NKAIN3: variants seen among roughly 807,000 people sequenced by gnomAD.
The protein encoded by NKAIN3 is sodium/potassium-transporting ATPase subunit beta-1-interacting protein 3.
NKAIN3 carries 25 observed loss-of-function variants against 30.2 expected under a neutral mutation model. The ratio of observed to expected loss-of-function variants is 0.83; its 90% CI spans 0.60 to 1.16. The LOEUF (loss-of-function observed/expected upper bound fraction) is 1.16. Among genes scored for constraint, NKAIN3 ranks in the 50% most tolerant of loss-of-function variants. The pLI is 0.00. For synonymous variants in NKAIN3, 91 were observed against 89.6 expected, an observed-to-expected ratio of 1.02 and a Z score of -0.09; for missense variants, 225 against 254.1, an observed-to-expected ratio of 0.89 and a Z score of 0.78.
chr8:62,608,163 C>G (rs1246289031), intron 3 of NKAIN3, among the ~76,000 whole-genome samples: 3 of 152,156 alleles, frequency 2.0e-5, no homozygotes, highest in Non-Finnish European at 4.4e-5. Flanking sequence ...CTGGCTGAGT[C>G]TATAAGCTCC....
At chr8:62,522,925 G>C (rs991208198) in intron 1 of NKAIN3, among the ~76,000 whole-genome samples, 5 of 151,988 alleles carry the variant, frequency 3.3e-5, no homozygotes, top group Admixed American at 3.3e-4. Flanking sequence ...AGAAAGAAAA[G>C]TATTGTTTAA....
At chr8:62,705,841 C>T (rs2130479865) in intron 3 of NKAIN3, among the ~76,000 whole-genome samples, 1 of 152,228 alleles carries the variant, frequency 6.6e-6, no homozygotes, top group South Asian at 2.1e-4. Context: ...ATTTTTCTCC[C>T]TGCATAGTGT....
chr8:62,811,861 C>G (rs1043160821), intron 4 of NKAIN3, among the ~76,000 whole-genome samples: 1 of 152,070 alleles, frequency 6.6e-6, no homozygotes, highest in Non-Finnish European at 1.5e-5. Flanking sequence ...TTTCCCAAAG[C>G]ATTTTTCCTT....
Position 62,930,765 on chromosome 8 carries a change from G to A in NKAIN3, c.532+12252G>A, listed in dbSNP as rs182333565. Among the ~76,000 whole-genome samples the A allele has an allele frequency of 1.6e-3, 248 of 150,966 alleles. 6 individuals carry two copies. The East Asian group carries it at 0.044, about 27-fold the overall frequency. On this transcript the variant is annotated intron_variant, in intron 5 of 6. Coordinates refer to ENST00000623646, the MANE Select transcript of NKAIN3 (RefSeq NM_001304533.3). ...GTCACCCAGGCTAGAGTGCAGTGGC[G>A]CGATCTCGGCTCACTGCATGCTCTG...
At chr8:62,369,574 C>T (rs1253061534) in intron 1 of NKAIN3, among the ~76,000 whole-genome samples, 1 of 152,070 alleles carries the variant, frequency 6.6e-6, no homozygotes, top group Non-Finnish European at 1.5e-5. Context: ...AAATTACTGA[C>T]ATTCCCTGAG....
At chr8:62,858,634 A>G (rs552577477) in intron 4 of NKAIN3, among the ~76,000 whole-genome samples, 1 of 152,322 alleles carries the variant, frequency 6.6e-6, no homozygotes, top group Admixed American at 6.5e-5. Context: ...ATCTGGCCAC[A>G]TTCTGGCAAA....
chr8:62,610,745 G>A (rs941627436), intron 3 of NKAIN3, among the ~76,000 whole-genome samples: 2 of 151,816 alleles, frequency 1.3e-5, no homozygotes, highest in African/African-American at 4.8e-5. Context: ...TCTTTTCCTT[G>A]TGTTTCCTAC....
intron 1 of NKAIN3, among the ~76,000 whole-genome samples, chr8:62,556,043 A>G (rs1179368247): frequency 6.6e-6 from 1 of 152,034 alleles, no homozygotes. Context: ...ATTGGAAAGT[A>G]TATTCTTTAG....
intron 4 of NKAIN3, among the ~76,000 whole-genome samples, chr8:62,839,571 CT>C (rs1400461917): frequency 6.6e-6 from 1 of 151,942 alleles, no homozygotes; most frequent in Admixed American, 6.6e-5. Flanking sequence ...GATCAAATAA[CT>C]TTTTTTCTTT....
At chr8:62,841,295 C>G (rs1480154863) in intron 4 of NKAIN3, among the ~76,000 whole-genome samples, 1 of 151,264 alleles carries the variant, frequency 6.6e-6, no homozygotes, top group Non-Finnish European at 1.5e-5. Flanking sequence ...CATATATATC[C>G]CTTCCCTTGC....
At chr8:62,662,347 T>C (rs185747330) in intron 3 of NKAIN3, among the ~76,000 whole-genome samples, 1 of 152,324 alleles carries the variant, frequency 6.6e-6, no homozygotes, top group African/African-American at 2.4e-5. Context: ...TGTTCATGGC[T>C]CCTCTCTCAG....
chr8:62,394,007 A>G (rs1242558613), intron 1 of NKAIN3, among the ~76,000 whole-genome samples: 1 of 152,192 alleles, frequency 6.6e-6, no homozygotes, highest in Non-Finnish European at 1.5e-5. Flanking sequence ...AAGATTTTCT[A>G]CATACACCAT....
intron 4 of NKAIN3, among the ~76,000 whole-genome samples, chr8:62,909,213 T>C (rs1006500804): frequency 2.6e-5 from 4 of 152,064 alleles, no homozygotes; most frequent in Non-Finnish European, 5.9e-5. Context: ...AACAAACCAA[T>C]CCCACATACA....
intron 4 of NKAIN3, among the ~76,000 whole-genome samples, chr8:62,881,786 T>C (rs939086160): frequency 3.3e-5 from 5 of 152,212 alleles, no homozygotes; most frequent in African/African-American, 9.6e-5. Context: ...GGTAAGAATA[T>C]GTTTAGTTTT....
At chr8:62,360,262 C>T (rs772902731) in intron 1 of NKAIN3, among the ~76,000 whole-genome samples, 2 of 152,188 alleles carry the variant, frequency 1.3e-5, no homozygotes, top group African/African-American at 4.8e-5. Flanking sequence ...CTGATTGAGA[C>T]TCCTAAGAAG....
intron 4 of NKAIN3, among the ~76,000 whole-genome samples, chr8:62,826,284 T>TTGTG (rs144596995): frequency 6.7e-6 from 1 of 148,698 alleles, no homozygotes; most frequent in Non-Finnish European, 1.5e-5. Flanking sequence ...GTGTGAGTGT[T>TTGTG]TGTGTGTGTG....
intron 4 of NKAIN3, among the ~76,000 whole-genome samples, chr8:62,809,830 C>T (rs959094126): frequency 2.6e-5 from 4 of 152,154 alleles, no homozygotes; most frequent in African/African-American, 7.2e-5. Flanking sequence ...AGCTGAGAAA[C>T]GGCATTTGCC....
intron 4 of NKAIN3, among the ~76,000 whole-genome samples, chr8:62,764,163 A>G (rs1816762002): frequency 6.6e-6 from 1 of 152,238 alleles, no homozygotes; most frequent in African/African-American, 2.4e-5. Context: ...GAACTTTAAA[A>G]TGGCAGTGCC....
chr8:62,571,652 G>T (rs966387511), intron 1 of NKAIN3, among the ~76,000 whole-genome samples: 1 of 152,078 alleles, frequency 6.6e-6, no homozygotes, highest in South Asian at 2.1e-4. Context: ...CTTCTGCTGG[G>T]CATCCAGGCA....
Sources: allele counts gnomAD v4.1 joint callset (sites outside exome capture counted in the v4.1 genomes callset), GRCh38; gene constraint gnomAD v4.1.1; transcripts MANE v1.5; gene names NCBI Gene and HGNC (gene_info 2026-07-23, HGNC 2026-07-21).